Variants in FHDC1 observed in about 807,000 individuals in gnomAD.
FHDC1 encodes FH2 domain containing 1.
FHDC1 carries 25 observed loss-of-function variants against 52.6 expected under a neutral mutation model. That is an observed-to-expected ratio of 0.48 (90% CI 0.35 to 0.66). The LOEUF (loss-of-function observed/expected upper bound fraction) is 0.66, where lower values mean the gene tolerates loss of function less well. Ranked by LOEUF, FHDC1 falls within the 30% of genes least tolerant of loss-of-function variation. FHDC1 has a pLI of 0.01. For synonymous variants in FHDC1, 616 were observed against 581.5 expected (o/e 1.06, Z -0.85); for missense variants, 1,459 against 1,452.8 (o/e 1.00, Z -0.07).
At chr4:152,918,708 A>C in the FHDC1 span, among the ~76,000 whole-genome samples, 4 of 152,202 alleles carry the variant, frequency 2.6e-5, no homozygotes, top group Admixed American at 2.6e-4. Flanking sequence ...CTCTGGGTGG[A>C]GCATCAGCAT....
the FHDC1 span, chr4:152,927,965 G>A: frequency 1.4e-6 from 2 of 1,480,506 alleles, no homozygotes; most frequent in South Asian, 2.3e-5. Flanking sequence ...ACTGAAACCG[G>A]ACCCTGAGCC....
At chr4:152,912,344 A>C in the FHDC1 span, 3 of 152,218 alleles carry the variant, frequency 2.0e-5, no homozygotes, top group Non-Finnish European at 2.9e-5. Context: ...TAAATACTGC[A>C]TGGAACCACT....
intron 1 of FHDC1, among the ~76,000 whole-genome samples, chr4:152,936,891 C>G (rs1031630470): frequency 1.3e-5 from 2 of 152,280 alleles, no homozygotes; most frequent in African/African-American, 4.8e-5. Flanking sequence ...CAGCCGGGGG[C>G]CACGCCTGGC....
the FHDC1 span, among the ~76,000 whole-genome samples, chr4:152,923,824 A>T: frequency 6.6e-6 from 1 of 152,138 alleles, no homozygotes; most frequent in East Asian, 1.9e-4. Flanking sequence ...CTGAAACTGG[A>T]TCCCTTCCTT....
At chr4:152,933,837 A>G (rs1423627181), upstream of FHDC1, among the ~76,000 whole-genome samples, 1 of 151,982 alleles carries the variant, frequency 6.6e-6, no homozygotes. Flanking sequence ...AGATAAACGT[A>G]GGATGCTGCC....
Position 152,936,871 on chromosome 4 carries a change from G to A in FHDC1, c.-131+462G>A, listed in dbSNP as rs1283020326. On this transcript the variant is annotated intron_variant, in intron 1 of 11. Coordinates refer to ENST00000511601, the MANE Select transcript of FHDC1 (RefSeq NM_001371116.1). ...ATGCGCAGCCGCGGCGCCGCGCTCG[G>A]TTCCCTAGCCAGCCGGGGGCCACGC... Among the ~76,000 whole-genome samples the A allele has an allele frequency of 3.9e-5, 6 of 152,280 alleles. No individual in the cohort carries two copies. The East Asian group carries it at 5.8e-4, about 15-fold the overall frequency.
At chr4:152,966,883 G>T (rs1740477735) in intron 9 of FHDC1, among the ~76,000 whole-genome samples, 1 of 152,200 alleles carries the variant, frequency 6.6e-6, no homozygotes, top group South Asian at 2.1e-4. Context: ...ACTTTGGGAG[G>T]CCAAGGCAGG....
the FHDC1 span, among the ~76,000 whole-genome samples, chr4:152,912,917 A>G: frequency 2.6e-5 from 4 of 152,202 alleles, no homozygotes; most frequent in Admixed American, 2.6e-4. Context: ...TCTTTTCCAT[A>G]TTCAAAACAC....
rs1469827174 is a variant in FHDC1 at position 152,938,350 on chromosome 4, CT to C, written c.-131+1942del. Among the ~76,000 whole-genome samples, 5 of 152,136 alleles carry C rather than the reference CT, an allele frequency of 3.3e-5. No individual in the cohort carries two copies. In the South Asian group the frequency reaches 1.0e-3, roughly 32 times the overall value. ...AGGCGCTTACTGGGAACGCGTTGTC[CT>C]GGGTTCTTTCACTACTGCCTGGAGC... On this transcript the variant is annotated intron_variant, in intron 1 of 11. Coordinates refer to ENST00000511601, the MANE Select transcript of FHDC1 (RefSeq NM_001371116.1).
chr4:152,963,111 T>C lies in FHDC1; in HGVS notation c.1010T>C (p.Leu337Pro), dbSNP rs1740334973. The C allele has an allele frequency of 1.9e-6, 3 of 1,614,024 alleles. No homozygotes were observed. Among genetic ancestry groups the C allele is most frequent in the East Asian group, 4.5e-5 (2 of 44,884 alleles). ...AAAGCAAACAAACCTGGGATGAATC[T>C]CCTGCACTTTGTTGCACAGGTATGT... ...DTKANKPGMN[L>P]LHFVAQEAQK... is the part of the protein sequence containing the mutation. The change falls in exon 8 of 12, where the codon CTC (leucine) becomes CCC (proline). Residue 337 changes from leucine (L) to proline (P), a missense_variant. By Grantham distance (98) the Leu-to-Pro change is moderately conservative. Transcript: ENST00000511601.
the FHDC1 span, among the ~76,000 whole-genome samples, chr4:152,921,821 C>A: frequency 6.6e-6 from 1 of 152,104 alleles, no homozygotes; most frequent in East Asian, 1.9e-4. Context: ...TAAATTTCGA[C>A]ACAACATACC....
Position 152,976,000 on chromosome 4 carries a change from C to G in FHDC1, c.2709C>G (p.Arg903=). Residue 903 remains arginine, a synonymous_variant, in exon 12 of 12, where the codon CGC becomes CGG. Transcript: ENST00000511601. ...TLTASENESM[R]KVMPITKSSR... ...CCGCCTCAGAGAACGAGAGCATGCGCAAGGTCATGCCCATCACCAAGTCCA... is the reference window on the plus strand; with the variant it reads ...CCGCCTCAGAGAACGAGAGCATGCGGAAGGTCATGCCCATCACCAAGTCCA... The G allele has an allele frequency of 6.5e-7, 1 of 1,533,958 alleles. No homozygotes were observed. The highest frequency in any genetic ancestry group is 8.7e-7 in the Non-Finnish European group (1 of 1,143,654).
chr4:152,948,149 G>T (rs1167419541), intron 2 of FHDC1, among the ~76,000 whole-genome samples: 1 of 152,154 alleles, frequency 6.6e-6, no homozygotes, highest in Non-Finnish European at 1.5e-5. Context: ...CCGAAAGCTA[G>T]GTCCATATTG....
chr4:152,922,513 C>T, the FHDC1 span, among the ~76,000 whole-genome samples: 1 of 151,110 alleles, frequency 6.6e-6, no homozygotes, highest in Non-Finnish European at 1.5e-5. Flanking sequence ...TTTATGAGGC[C>T]AGCATCATCC....
In FHDC1 at chr4:152,936,380, G is replaced by C. The variant is rs1324453892; in HGVS notation, c.-160G>C. 2 of 152,212 alleles carry C rather than the reference G, an allele frequency of 1.3e-5. No individual in the cohort carries two copies. The highest frequency in any genetic ancestry group is 4.8e-5 in the African/African-American group (2 of 41,418). 9.4% of individuals were successfully genotyped at this position (152,212 alleles called of 1,614,324 possible). A position where few individuals can be genotyped will look rare whatever the true frequency, so the allele number is the denominator to read the frequency against. On this transcript the variant is annotated 5_prime_UTR_variant, in exon 1 of 12. Transcript: ENST00000511601. The stretch of plus-strand genomic sequence containing the variant: ...ACGGCGGGAGGCTGCAGCGGTCTGC[G>C]CGCCGGGAGCGGGGGCGCGCTGGCC...
chr4:152,927,893 G>T, the FHDC1 span: 1 of 1,379,556 alleles, frequency 7.2e-7, no homozygotes, highest in South Asian at 1.2e-5. Context: ...GTTCTCCCAG[G>T]TGAAGCTGTT....
chr4:152,925,060 A>G, the FHDC1 span, among the ~76,000 whole-genome samples: 1 of 152,098 alleles, frequency 6.6e-6, no homozygotes, highest in South Asian at 2.1e-4. Flanking sequence ...ACAATAATGT[A>G]TGTTGACGAT....
chr4:152,942,086 G>A (rs1739589344), intron 1 of FHDC1, among the ~76,000 whole-genome samples: 3 of 152,324 alleles, frequency 2.0e-5, no homozygotes, highest in Middle Eastern at 3.4e-3. Flanking sequence ...TAAGGGACAT[G>A]TGGCAGATGT....
chr4:152,964,790 A>G (rs1740409436), intron 8 of FHDC1, 115 bp from the exon 9 acceptor site: 1 of 789,044 alleles, frequency 1.3e-6, no homozygotes, highest in African/African-American at 1.7e-5. Context: ...AAATGCTTTG[A>G]ATGTGTCAAG....
Sources: allele counts gnomAD v4.1 joint callset (sites outside exome capture counted in the v4.1 genomes callset), GRCh38; gene constraint gnomAD v4.1.1; transcripts MANE v1.5; gene names NCBI Gene and HGNC (gene_info 2026-07-23, HGNC 2026-07-21).